Variants in CTNNA2 observed in about 807,000 individuals in gnomAD.
The protein encoded by CTNNA2 is catenin alpha-2.
CTNNA2 carries 42 observed loss-of-function variants against 101.0 expected under a neutral mutation model. The ratio of observed to expected loss-of-function variants is 0.42; its 90% CI spans 0.32 to 0.54. The LOEUF is 0.54. Among genes scored for constraint, CTNNA2 ranks in the 20% least tolerant of loss-of-function variants. The pLI is 0.14. For missense variants in CTNNA2, 871 were observed against 1,223.1 expected (o/e 0.71, Z 4.29); for synonymous variants, 450 against 456.4 (o/e 0.99, Z 0.18).
intron 6 of CTNNA2, among the ~76,000 whole-genome samples, chr2:79,887,976 G>T (rs1684015536): frequency 6.6e-6 from 1 of 152,096 alleles, no homozygotes; most frequent in Non-Finnish European, 1.5e-5. Flanking sequence ...CACTCCTGTG[G>T]GTTCTTAGAT....
At chr2:79,224,267 G>T (rs1403434834) in intron 2 of CTNNA2, among the ~76,000 whole-genome samples, 1 of 152,088 alleles carries the variant, frequency 6.6e-6, no homozygotes, top group African/African-American at 2.4e-5. Context: ...AGATCAAAAT[G>T]AATCTGTTAA....
intron 8 of CTNNA2, among the ~76,000 whole-genome samples, chr2:80,398,935 G>A (rs1051230525): frequency 4.6e-5 from 7 of 151,774 alleles, no homozygotes; most frequent in Admixed American, 6.6e-5. Context: ...CAGGAGGAGC[G>A]GAGCAGAGTA....
intron 9 of CTNNA2, among the ~76,000 whole-genome samples, chr2:80,426,689 C>T (rs1681026084): frequency 2.0e-5 from 3 of 152,084 alleles, no homozygotes; most frequent in Admixed American, 2.0e-4. Flanking sequence ...ACGTGGCTTT[C>T]AGGATTTGAC....
intron 7 of CTNNA2, among the ~76,000 whole-genome samples, chr2:80,137,352 G>A (rs1220132995): frequency 6.6e-6 from 1 of 152,108 alleles, no homozygotes; most frequent in African/African-American, 2.4e-5. Flanking sequence ...TGTCAGAGTT[G>A]CTCAAAGACA....
intron 7 of CTNNA2, among the ~76,000 whole-genome samples, chr2:79,979,294 G>A (rs1225601579): frequency 1.3e-5 from 2 of 152,104 alleles, no homozygotes; most frequent in Non-Finnish European, 2.9e-5. Context: ...GAGGTGAGAG[G>A]GTTGCTTGAG....
intron 7 of CTNNA2, among the ~76,000 whole-genome samples, chr2:80,121,948 T>C (rs923054540): frequency 6.6e-6 from 1 of 152,138 alleles, no homozygotes; most frequent in African/African-American, 2.4e-5. Context: ...TCACATGAAG[T>C]ACTGTTGGGT....
chr2:80,176,382 G>C (rs942585547), intron 7 of CTNNA2, among the ~76,000 whole-genome samples: 1 of 152,188 alleles, frequency 6.6e-6, no homozygotes, highest in Non-Finnish European at 1.5e-5. Flanking sequence ...TATTTTCTTA[G>C]TACAAGTGTA....
chr2:79,998,634 A>G (rs1439911895), intron 7 of CTNNA2, among the ~76,000 whole-genome samples: 4 of 152,190 alleles, frequency 2.6e-5, no homozygotes, highest in Non-Finnish European at 5.9e-5. Context: ...AAAATTATGC[A>G]GTGTTTTCAA....
Position 79,750,136 on chromosome 2 carries a change from T to A in CTNNA2, c.298+5554T>A, listed in dbSNP as rs550034726. 3.3e-5 allele frequency among the ~76,000 whole-genome samples: 5 copies of A among 152,346 alleles called. 1 individual carries two copies. Among genetic ancestry groups the A allele is most frequent in the African/African-American group, 1.2e-4 (5 of 41,574 alleles). On this transcript the variant is annotated intron_variant, in intron 3 of 18. Coordinates refer to ENST00000402739, the MANE Select transcript of CTNNA2 (RefSeq NM_001282597.3). The stretch of plus-strand genomic sequence containing the variant: ...AAGGAATGCAAAGGAGTTATTCCAA[T>A]CATTTCTTCATATTGAAGCTCTGGA...
chr2:80,308,051 T>C (rs1043514058), intron 7 of CTNNA2, among the ~76,000 whole-genome samples: 2 of 151,856 alleles, frequency 1.3e-5, no homozygotes, highest in Non-Finnish European at 2.9e-5. Flanking sequence ...GAAGAGTCGA[T>C]TAATTCCTTC....
chr2:80,128,956 A>T lies in CTNNA2; in HGVS notation c.1056+219159A>T, dbSNP rs113845663. On this transcript the variant is annotated intron_variant, in intron 7 of 18. Transcript: ENST00000402739. ...GATGTGCTAGCCTCTTCTGTAATGC[A>T]ATCCATGGATGGGGATATAAGACAG... Among the ~76,000 whole-genome samples, 1,425 of 152,340 alleles carry T rather than the reference A, an allele frequency of 9.4e-3. 22 individuals are homozygous for T. Among genetic ancestry groups the T allele is most frequent in the African/African-American group, 0.027 (1,111 of 41,586 alleles).
chr2:80,244,866 C>T (rs949386874), intron 7 of CTNNA2, among the ~76,000 whole-genome samples: 1 of 152,278 alleles, frequency 6.6e-6, no homozygotes, highest in East Asian at 1.9e-4. Context: ...CCATATCACA[C>T]ATCTCAACAG....
chr2:79,294,287 A>G (rs4241238), intron 2 of CTNNA2, among the ~76,000 whole-genome samples: 127,595 of 151,740 alleles, frequency 0.84, 53,821 homozygotes, highest in African/African-American at 0.87. Context: ...GACAAATTCA[A>G]GGAGAAAGAG....
chr2:79,384,825 A>G (rs1250254854), intron 4 of CTNNA2, among the ~76,000 whole-genome samples: 1 of 150,206 alleles, frequency 6.7e-6, no homozygotes, highest in Non-Finnish European at 1.5e-5. Flanking sequence ...ACTACTTAGT[A>G]AAGAATAAAA....
At chr2:79,395,430 C>A (rs1001687622) in intron 4 of CTNNA2, among the ~76,000 whole-genome samples, 1 of 151,920 alleles carries the variant, frequency 6.6e-6, no homozygotes, top group Non-Finnish European at 1.5e-5. Context: ...TGTGATGTTC[C>A]CCTTCCTGTG....
At chr2:80,193,912 G>A (rs1390555953) in intron 7 of CTNNA2, among the ~76,000 whole-genome samples, 3 of 152,140 alleles carry the variant, frequency 2.0e-5, no homozygotes, top group Non-Finnish European at 2.9e-5. Flanking sequence ...TGCATATCTT[G>A]CCTGTAAAAC....
chr2:79,464,179 G>A (rs1042094851), intron 4 of CTNNA2, among the ~76,000 whole-genome samples: 2 of 152,008 alleles, frequency 1.3e-5, no homozygotes, highest in African/African-American at 4.8e-5. Context: ...TCCCCACCCT[G>A]TGTCCAAGTA....
chr2:79,588,181 G>A (rs1676618117), intron 1 of CTNNA2, among the ~76,000 whole-genome samples: 1 of 152,210 alleles, frequency 6.6e-6, no homozygotes, highest in African/African-American at 2.4e-5. Flanking sequence ...TAAGGGTCTT[G>A]AGTATATCTG....
chr2:79,906,064 G>GACACAT (rs1486834261), intron 6 of CTNNA2, among the ~76,000 whole-genome samples: 2 of 152,020 alleles, frequency 1.3e-5, no homozygotes, highest in African/African-American at 4.8e-5. Context: ...GACAGAGACA[G>GACACAT]ACACATACAA....
Sources: allele counts gnomAD v4.1 joint callset (sites outside exome capture counted in the v4.1 genomes callset), GRCh38; gene constraint gnomAD v4.1.1; transcripts MANE v1.5; gene names NCBI Gene and HGNC (gene_info 2026-07-23, HGNC 2026-07-21).